PCDHA1: variants seen among roughly 807,000 people sequenced by gnomAD.
The protein encoded by PCDHA1 is protocadherin alpha 1, also known as protocadherin alpha-1.
In PCDHA1, 42 loss-of-function variants were observed where a neutral mutation model predicts 61.3. The ratio of observed to expected loss-of-function variants is 0.69; its 90% CI spans 0.54 to 0.89. The LOEUF (loss-of-function observed/expected upper bound fraction) is 0.89, where lower values mean the gene tolerates loss of function less well. Among genes scored for constraint, PCDHA1 ranks in the 40% least tolerant of loss-of-function variants. The pLI is 0.00. For synonymous variants in PCDHA1, 610 were observed against 553.8 expected, an observed-to-expected ratio of 1.10 and a Z score of -1.43; for missense variants, 1,256 against 1,235.3, an observed-to-expected ratio of 1.02 and a Z score of -0.25.
At chr5:140,883,355 A>C (rs763058953) in intron 1 of PCDHA1, 36 of 1,613,958 alleles carry the variant, frequency 2.2e-5, no homozygotes, top group Non-Finnish European at 3.0e-5. Context: ...CAGAGAAGAC[A>C]CTCAGCCTAG....
At position 140,846,059 on chromosome 5, in the gene PCDHA1, G is replaced by A. The variant is rs1780185610; in HGVS notation, c.2394+57375G>A. ...AGTCAAGTTAACACCACCTATGTGG[G>A]AAAACAGTTTTTTGGAAAGGTTAAA... On this transcript the variant is annotated intron_variant, in intron 1 of 3. Coordinates refer to ENST00000504120, the MANE Select transcript of PCDHA1 (RefSeq NM_018900.4). 2.0e-5 allele frequency among the ~76,000 whole-genome samples: 3 copies of A among 149,674 alleles called. No individual in the cohort carries two copies. The South Asian group carries it at 6.3e-4, about 32-fold the overall frequency.
intron 1 of PCDHA1, chr5:140,876,682 T>C (rs782271076): frequency 5.6e-6 from 9 of 1,614,180 alleles, no homozygotes; most frequent in Non-Finnish European, 4.2e-6. Context: ...CTACAAGAAT[T>C]ACTACTCGTT....
chr5:140,976,427 T>C (rs2096715861), intron 1 of PCDHA1, among the ~76,000 whole-genome samples: 1 of 152,064 alleles, frequency 6.6e-6, no homozygotes, highest in Admixed American at 6.5e-5. Flanking sequence ...GGCAGATGCC[T>C]GTAATCCCAG....
intron 1 of PCDHA1, chr5:140,966,633 C>G (rs2096029445): frequency 8.9e-6 from 9 of 1,005,802 alleles, no homozygotes; most frequent in Non-Finnish European, 5.4e-6. Flanking sequence ...CGGCCCCAGG[C>G]GCTTTCTAGA....
intron 1 of PCDHA1, chr5:140,869,509 A>C (rs199564677): frequency 6.2e-7 from 1 of 1,614,206 alleles, no homozygotes; most frequent in Non-Finnish European, 8.5e-7. Flanking sequence ...GTTCTCGCTC[A>C]GAGAACAAAA....
At chr5:141,004,188 TA>T (rs1391411358) in intron 3 of PCDHA1, among the ~76,000 whole-genome samples, 5 of 152,260 alleles carry the variant, frequency 3.3e-5, no homozygotes, top group African/African-American at 1.2e-4. Flanking sequence ...TGAGTGCTCT[TA>T]ACCAAAAGGA....
At chr5:141,004,186 C>T (rs1554259505) in intron 3 of PCDHA1, among the ~76,000 whole-genome samples, 1 of 152,240 alleles carries the variant, frequency 6.6e-6, no homozygotes, top group Non-Finnish European at 1.5e-5. Flanking sequence ...CTTGAGTGCT[C>T]TTAACCAAAA....
At chr5:140,885,910 T>C (rs55634134) in intron 1 of PCDHA1, among the ~76,000 whole-genome samples, 4,308 of 152,302 alleles carry the variant, frequency 0.028, 189 homozygotes, top group African/African-American at 0.098. Context: ...CTGTACCTTA[T>C]AGATATTAAC....
chr5:140,871,716 C>G (rs1315028077), intron 1 of PCDHA1: 6 of 796,846 alleles, frequency 7.5e-6, no homozygotes, highest in Non-Finnish European at 1.1e-5. Flanking sequence ...TGTCCTATTT[C>G]TCTTAATATT....
At chr5:140,823,788 T>C (rs1402074192) in intron 1 of PCDHA1, 8 of 1,613,644 alleles carry the variant, frequency 5.0e-6, no homozygotes, top group Middle Eastern at 3.3e-4. Context: ...TGGTGGAAAG[T>C]GGCCAGGCGC....
At chr5:140,804,897 C>T (rs1465948706) in intron 1 of PCDHA1, 2 of 750,670 alleles carry the variant, frequency 2.7e-6, no homozygotes, top group African/African-American at 3.6e-5. Flanking sequence ...CTTCCCCTCA[C>T]TTCCATTTTC....
rs1761486552 is a variant in PCDHA1, at chr5:140,788,668, T to G, written c.2378T>G (p.Leu793Trp). 2 of 1,567,470 alleles carry G rather than the reference T, an allele frequency of 1.3e-6. No homozygotes were observed. Among genetic ancestry groups the G allele is most frequent in the African/African-American group, 1.4e-5 (1 of 73,470 alleles). The change falls in exon 1 of 4, where the codon TTG (leucine) becomes TGG (tryptophan). Residue 793 changes from leucine to tryptophan, a missense_variant. By Grantham distance (61) the Leu-to-Trp change is moderately conservative. Transcript: ENST00000504120. ...AGAAATGAACAACCAGAAGCAAATT[T>G]GGATCTTTCTGGTAATGTAAGTCCA... ...SERNEQPEAN[L>W]DLSGNPRQPN...
At chr5:140,856,346 G>T in intron 1 of PCDHA1, 1 of 1,598,632 alleles carries the variant, frequency 6.3e-7, no homozygotes, top group Non-Finnish European at 8.6e-7. Context: ...GCGGAGCGTG[G>T]AGTGCAGCAT....
At chr5:140,985,557 G>A (rs1190905215) in intron 3 of PCDHA1, among the ~76,000 whole-genome samples, 1 of 152,118 alleles carries the variant, frequency 6.6e-6, no homozygotes, top group East Asian at 1.9e-4. Context: ...GCTTCCAAAA[G>A]GCTTCTTTCT....
At chr5:140,926,783 C>T (rs1230665699) in intron 1 of PCDHA1, 2 of 1,410,186 alleles carry the variant, frequency 1.4e-6, no homozygotes, top group Non-Finnish European at 1.8e-6. Flanking sequence ...CAGTGACGGC[C>T]GGCAGGAGCG....
rs781835560 is a variant in PCDHA1 at position 140,786,803 on chromosome 5, G to T, written c.513G>T (p.Thr171=). Residue 171 remains threonine, a synonymous_variant, in exon 1 of 4, where the codon ACG becomes ACT. Transcript: ENST00000504120. ...GTGCTAACGCTCTTCTAACGTACAC[G>T]CTCAGCCCGAGTGATTATTTCTCTT... is the stretch of plus-strand genomic sequence containing the variant. ...DIGANALLTY[T]LSPSDYFSLD... is the part of the protein sequence containing the mutation. 2 of 1,614,166 alleles carry T rather than the reference G, an allele frequency of 1.2e-6. No individual in the cohort carries two copies. The highest frequency in any genetic ancestry group is 1.7e-6 in the Non-Finnish European group (2 of 1,180,034).
intron 1 of PCDHA1, chr5:140,800,958 A>T: frequency 8.5e-7 from 1 of 1,169,800 alleles, no homozygotes; most frequent in Non-Finnish European, 1.1e-6. Context: ...ACATACAAGG[A>T]AAAGAAGATA....
In PCDHA1 at chr5:140,795,511, C is replaced by T. The variant is rs1172088574; in HGVS notation, c.2394+6827C>T. The T allele has an allele frequency of 3.1e-6, 5 of 1,614,044 alleles. No homozygotes were observed. The African/African-American group carries it at 5.3e-5, about 17-fold the overall frequency. On this transcript the variant is annotated intron_variant, in intron 1 of 3. Coordinates refer to ENST00000504120, the MANE Select transcript of PCDHA1 (RefSeq NM_018900.4). ...CAGTGAGTTTTTCTTCCTAGATATA[C>T]AGGCAAATGATGAACTAAGCGAATC...
chr5:140,883,768 C>T, intron 1 of PCDHA1: 1 of 1,612,160 alleles, frequency 6.2e-7, no homozygotes, highest in Non-Finnish European at 8.5e-7. Flanking sequence ...GGCGGGTGGG[C>T]GAGCGTGCGC....
Sources: gnomAD v4.1 joint callset for allele counts (sites outside exome capture counted in the v4.1 genomes callset) on GRCh38, gnomAD v4.1.1 for gene constraint, MANE v1.5 for transcripts, NCBI Gene and HGNC (gene_info 2026-07-23, HGNC 2026-07-21) for gene names.